FRMD4A: variants seen among roughly 807,000 people sequenced by gnomAD.
FRMD4A encodes the protein FERM domain-containing protein 4A.
Under a neutral mutation model 129.1 loss-of-function variants are expected in FRMD4A, and 29 were observed. The ratio of observed to expected loss-of-function variants is 0.22; its 90% CI spans 0.17 to 0.31. The LOEUF (loss-of-function observed/expected upper bound fraction) is 0.31. Ranked by LOEUF, FRMD4A falls within the 10% of genes least tolerant of loss-of-function variation. FRMD4A has a pLI of 1.00. For synonymous variants in FRMD4A, 634 were observed against 571.6 expected (o/e 1.11, Z -1.56); for missense variants, 1,272 against 1,375.8 (o/e 0.92, Z 1.19).
At chr10:13,819,699 C>CTTTT (rs769973791) in intron 3 of FRMD4A, among the ~76,000 whole-genome samples, 2 of 131,882 alleles carry the variant, frequency 1.5e-5, no homozygotes, top group Non-Finnish European at 3.2e-5. Flanking sequence ...ATATTGTCTC[C>CTTTT]TTTTTTTTTT....
At chr10:13,761,011 G>A (rs1408879151) in intron 8 of FRMD4A, among the ~76,000 whole-genome samples, 2 of 152,050 alleles carry the variant, frequency 1.3e-5, no homozygotes, top group Non-Finnish European at 2.9e-5. Context: ...ATTTCAGGGC[G>A]ATTTCAGGGC....
At chr10:14,092,012 G>A (rs1473682112) in intron 2 of FRMD4A, among the ~76,000 whole-genome samples, 1 of 152,134 alleles carries the variant, frequency 6.6e-6, no homozygotes, top group Non-Finnish European at 1.5e-5. Flanking sequence ...CTTAGCAAGG[G>A]ACAGTTTCTA....
At chr10:13,664,796 A>T (rs1381716154) in intron 18 of FRMD4A, among the ~76,000 whole-genome samples, 1 of 152,100 alleles carries the variant, frequency 6.6e-6, no homozygotes, top group Non-Finnish European at 1.5e-5. Context: ...CTACAGTCTC[A>T]AACCTCTGGC....
At chr10:14,060,059 C>T (rs1367533602) in intron 2 of FRMD4A, among the ~76,000 whole-genome samples, 1 of 152,196 alleles carries the variant, frequency 6.6e-6, no homozygotes. Context: ...CCTTTAACTA[C>T]TCTATCTCTA....
intron 24 of FRMD4A, 46 bp downstream of exon 24, chr10:13,651,857 G>A (rs372168910): frequency 1.1e-6 from 1 of 910,382 alleles, no homozygotes; most frequent in African/African-American, 1.6e-5. Flanking sequence ...ACACATGTGG[G>A]ACCACAGACT....
Position 14,307,789 on chromosome 10 carries a change from G to C in FRMD4A, c.45+22269C>G, listed in dbSNP as rs575465304. Among the ~76,000 whole-genome samples the C allele has an allele frequency of 2.0e-5, 3 of 152,148 alleles. No homozygotes were observed. In the South Asian group the frequency reaches 6.2e-4, roughly 31 times the overall value. On this transcript the variant is annotated intron_variant, in intron 2 of 24. Transcript: ENST00000357447. Reference sequence around the variant, plus strand: ...TCACCGAGCTCCACGAACGATAAGGGAATCAGTCTTAAAAGAGCCGCGAGT... The same window carrying C: ...TCACCGAGCTCCACGAACGATAAGGCAATCAGTCTTAAAAGAGCCGCGAGT...
intron 2 of FRMD4A, among the ~76,000 whole-genome samples, chr10:14,309,291 A>AT (rs1175113735): frequency 6.6e-6 from 1 of 152,130 alleles, no homozygotes; most frequent in Non-Finnish European, 1.5e-5. Context: ...CTCTAAAAAA[A>AT]TTTTTTAAAT....
chr10:13,723,529 T>C (rs1476717650), intron 12 of FRMD4A, among the ~76,000 whole-genome samples: 1 of 152,134 alleles, frequency 6.6e-6, no homozygotes, highest in Non-Finnish European at 1.5e-5. Context: ...TGTTGCGCAA[T>C]GATGGGGATA....
chr10:14,093,762 C>T (rs773346727), intron 2 of FRMD4A, among the ~76,000 whole-genome samples: 3 of 152,144 alleles, frequency 2.0e-5, no homozygotes, highest in Non-Finnish European at 4.4e-5. Flanking sequence ...CAGTTTGTCT[C>T]TTATTAGTTA....
chr10:13,742,387 G>T (rs2091059974), intron 9 of FRMD4A, among the ~76,000 whole-genome samples: 1 of 152,272 alleles, frequency 6.6e-6, no homozygotes, highest in South Asian at 2.1e-4. Context: ...CCCTGGTCTG[G>T]CCCCAGAGCC....
chr10:14,040,686 T>C (rs1358107143), intron 2 of FRMD4A, among the ~76,000 whole-genome samples: 5 of 152,162 alleles, frequency 3.3e-5, no homozygotes, highest in Admixed American at 1.3e-4. Context: ...CTCCTTCTTA[T>C]TTACTTCTTA....
intron 15 of FRMD4A, 24 bp downstream of exon 15, chr10:13,693,874 T>A (rs2085963320): frequency 6.2e-7 from 1 of 1,607,446 alleles, no homozygotes; most frequent in East Asian, 2.2e-5. Context: ...TCAGGGGGCG[T>A]CCCTCCAGCT....
At position 13,645,277 on chromosome 10, in the gene FRMD4A, A is replaced by G. The variant is rs1281103070; in HGVS notation, c.*1761T>C. ...CTAACTTCAGTTCTGCTTTCCCACA[A>G]AACTACCCCCACCCTGGCTCCTGTC... On this transcript the variant is annotated 3_prime_UTR_variant, in exon 25 of 25. Transcript: ENST00000357447. The G allele has an allele frequency of 6.6e-6, 1 of 151,828 alleles. No homozygotes were observed. Among genetic ancestry groups the G allele is most frequent in the Non-Finnish European group, 1.5e-5 (1 of 67,946 alleles). The allele number at this position is 151,828 out of a possible 1,614,324, so 9.4% of individuals were successfully genotyped here.
intron 2 of FRMD4A, among the ~76,000 whole-genome samples, chr10:13,938,996 C>G (rs1357711584): frequency 6.6e-6 from 1 of 152,224 alleles, no homozygotes; most frequent in Non-Finnish European, 1.5e-5. Context: ...TGTTAAACGT[C>G]CTAGAATTCC....
chr10:14,112,010 G>T (rs976308536), intron 2 of FRMD4A, among the ~76,000 whole-genome samples: 1 of 140,444 alleles, frequency 7.1e-6, no homozygotes, highest in Non-Finnish European at 1.6e-5. Context: ...AGGGAAGGAA[G>T]GGTGGGAGGG....
intron 2 of FRMD4A, among the ~76,000 whole-genome samples, chr10:14,157,061 C>T (rs1016559297): frequency 6.6e-6 from 1 of 152,240 alleles, no homozygotes; most frequent in African/African-American, 2.4e-5. Context: ...CCCCACCCCA[C>T]AGAGCCTGGG....
chr10:14,034,928 C>A (rs1365841373), intron 2 of FRMD4A, among the ~76,000 whole-genome samples: 1 of 152,186 alleles, frequency 6.6e-6, no homozygotes, highest in African/African-American at 2.4e-5. Flanking sequence ...ACACTGGCAT[C>A]ACTTAGTTGG....
intron 3 of FRMD4A, among the ~76,000 whole-genome samples, chr10:13,845,915 C>A (rs368547943): frequency 2.0e-5 from 3 of 152,240 alleles, no homozygotes; most frequent in African/African-American, 7.2e-5. Context: ...GTGCTCTCAG[C>A]GTGCTGGAAC....
chr10:14,221,671 C>T (rs193228682), intron 2 of FRMD4A, among the ~76,000 whole-genome samples: 6 of 152,104 alleles, frequency 3.9e-5, no homozygotes, highest in East Asian at 1.9e-4. Context: ...GTGATCCTCC[C>T]GCCTCTGCCT....
Sources: allele counts gnomAD v4.1 joint callset (sites outside exome capture counted in the v4.1 genomes callset), GRCh38; gene constraint gnomAD v4.1.1; transcripts MANE v1.5; gene names NCBI Gene and HGNC (gene_info 2026-07-23, HGNC 2026-07-21).